Variants in SLC5A10 observed in about 807,000 individuals in gnomAD.
SLC5A10 encodes the protein sodium/mannose cotransporter SLC5A10.
A neutral mutation model predicts 68.9 loss-of-function variants in SLC5A10; 55 were observed. The observed-to-expected ratio is 0.80, with a 90% CI of 0.64 to 1.00. The LOEUF (loss-of-function observed/expected upper bound fraction) is 1.00, where lower values mean the gene tolerates loss of function less well. Among genes scored for constraint, SLC5A10 ranks in the 50% least tolerant of loss-of-function variants. SLC5A10 has a pLI of 0.00. For missense variants in SLC5A10, 732 were observed against 819.3 expected, an observed-to-expected ratio of 0.89 and a Z score of 1.30; for synonymous variants, 344 against 344.8, an observed-to-expected ratio of 1.00 and a Z score of 0.02.
chr17:18,959,277 G>A, intron 3 of SLC5A10, 38 bp downstream of exon 3: 3 of 1,596,750 alleles, frequency 1.9e-6, no homozygotes, highest in Non-Finnish European at 8.6e-7. Flanking sequence ...GGGAGGGCCA[G>A]GGCACAGGAT....
chr17:18,988,230 G>T, intron 9 of SLC5A10: 1 of 1,602,856 alleles, frequency 6.2e-7, no homozygotes, highest in African/African-American at 1.3e-5. Flanking sequence ...ACCCAGGCAA[G>T]TGAGGAGCCT....
rs778142861 is a variant in SLC5A10 at position 18,978,153 on chromosome 17, G to A, written c.982+1164G>A. 4 of 1,530,148 alleles carry A rather than the reference G, an allele frequency of 2.6e-6. No homozygotes were observed. The highest frequency in any genetic ancestry group is 2.8e-5 in the African/African-American group (2 of 72,650). The allele number at this position is 1,530,148 out of a possible 1,614,324, so 94.8% of individuals were successfully genotyped here. On this transcript the variant is annotated intron_variant, in intron 9 of 14. Coordinates refer to ENST00000395645, the MANE Select transcript of SLC5A10 (RefSeq NM_001042450.4). ...GCCACAGGGACTGTCCGGGGCTTGG[G>A]CACGGGGGGCAATGGCTCAGGGTCC... is the stretch of plus-strand genomic sequence containing the variant.
chr17:18,977,719 C>T lies in SLC5A10; in HGVS notation c.982+730C>T, dbSNP rs766625194. 7 of 1,608,720 alleles carry T rather than the reference C, an allele frequency of 4.4e-6. No homozygotes were observed. In the East Asian group the frequency reaches 1.1e-4, roughly 26 times the overall value. On this transcript the variant is annotated intron_variant, in intron 9 of 14. Coordinates refer to ENST00000395645, the MANE Select transcript of SLC5A10 (RefSeq NM_001042450.4). ...TCCCTCGGGTTATATGGGGGGCACT[C>T]AGCTGCCGGCGCGGTGGTGGGGTTG...
intron 9 of SLC5A10, among the ~76,000 whole-genome samples, chr17:19,012,728 G>C (rs1399266086): frequency 6.6e-6 from 1 of 152,180 alleles, no homozygotes; most frequent in Non-Finnish European, 1.5e-5. Context: ...AGGCTGAGTG[G>C]CTGGAGAGTC....
chr17:18,954,802 G>C (rs1003057221), intron 1 of SLC5A10, among the ~76,000 whole-genome samples: 9 of 152,246 alleles, frequency 5.9e-5, no homozygotes, highest in Admixed American at 5.9e-4. Flanking sequence ...GCCGGGCGCA[G>C]TGGCTCATGC....
rs974371306 is a variant in SLC5A10, at chr17:18,996,947, G to A, written c.983-16463G>A. ...ATGCCTTCCCTGGGTGGCCCATGGCGGGTCACTTCCCACTCTAAGCCTCAG... is the reference window on the plus strand; with the variant it reads ...ATGCCTTCCCTGGGTGGCCCATGGCAGGTCACTTCCCACTCTAAGCCTCAG... On this transcript the variant is annotated intron_variant, in intron 9 of 14. Transcript: ENST00000395645. The surrounding 1 kb of genome is among the most constrained non-coding windows in gnomAD (Gnocchi z 4.4). 3.9e-5 allele frequency among the ~76,000 whole-genome samples: 6 copies of A among 152,342 alleles called. No individual in the cohort carries two copies. Among genetic ancestry groups the A allele is most frequent in the South Asian group, 2.1e-4 (1 of 4,828 alleles).
intron 9 of SLC5A10, among the ~76,000 whole-genome samples, chr17:19,006,901 G>A (rs1366527534): frequency 6.6e-6 from 1 of 152,168 alleles, no homozygotes; most frequent in African/African-American, 2.4e-5. Context: ...TCCATGGTAT[G>A]GATATACCAC....
At chr17:19,002,470 G>A (rs942589363) in intron 9 of SLC5A10, among the ~76,000 whole-genome samples, 1 of 152,222 alleles carries the variant, frequency 6.6e-6, no homozygotes, top group Non-Finnish European at 1.5e-5. Flanking sequence ...GGTCCCCGAA[G>A]CCAGCATTCT....
intron 1 of SLC5A10, 33 bp downstream of exon 1, chr17:18,952,349 G>A (rs566708747): frequency 3.1e-6 from 5 of 1,592,098 alleles, no homozygotes; most frequent in South Asian, 1.1e-5. Flanking sequence ...TGGCCAAGTG[G>A]GCTCTCAGGG....
At position 18,983,274 on chromosome 17, in the gene SLC5A10, C is replaced by G. The variant is rs150920827; in HGVS notation, c.982+6285C>G. Among the ~76,000 whole-genome samples, 411 of 152,382 alleles carry G rather than the reference C, an allele frequency of 2.7e-3. 1 individual carries two copies. The highest frequency in any genetic ancestry group is 9.1e-3 in the African/African-American group (379 of 41,594). ...CTTTAATTTCACCCTCACACAACCC[C>G]GTGAGGCATCACTATGGCCATGGGG... On this transcript the variant is annotated intron_variant, in intron 9 of 14. Transcript: ENST00000395645.
In SLC5A10 at chr17:19,022,211, C is replaced by T. The variant is rs918529350; in HGVS notation, c.*1780C>T. 118 of 902,116 alleles carry T rather than the reference C, an allele frequency of 1.3e-4. No individual in the cohort carries two copies. The African/African-American group carries it at 1.5e-3, about 11-fold the overall frequency. 55.9% of individuals were successfully genotyped at this position (902,116 alleles called of 1,614,324 possible). Reference sequence around the variant, plus strand: ...CCTGCAACCCACCCTCCCTCAGAGGCACCCAAGAGAAGTGATTTGCCACAG... The same window carrying T: ...CCTGCAACCCACCCTCCCTCAGAGGTACCCAAGAGAAGTGATTTGCCACAG... On this transcript the variant is annotated 3_prime_UTR_variant, in exon 15 of 15. Transcript: ENST00000395645.
intron 9 of SLC5A10, among the ~76,000 whole-genome samples, chr17:18,995,198 G>A (rs28810084): frequency 0.11 from 17,207 of 152,080 alleles, 994 homozygotes; most frequent in South Asian, 0.15. Context: ...ACCAAAAACC[G>A]ACACAGATGT....
chr17:19,003,775 C>T lies in SLC5A10; in HGVS notation c.983-9635C>T. The T allele has an allele frequency of 1.2e-6, 2 of 1,610,490 alleles. No homozygotes were observed. Among genetic ancestry groups the T allele is most frequent in the Non-Finnish European group, 1.7e-6 (2 of 1,178,898 alleles). On this transcript the variant is annotated intron_variant, in intron 9 of 14. Transcript: ENST00000395645. This position sits in a 1 kb window ranked among gnomAD's most constrained non-coding sequence, Gnocchi z 4.5. ...CGTCGCCGACCCCATTGTCCTCGGG[C>T]CCCTGAGAGGGGCCCGTGCCCCGAG...
chr17:19,016,155 C>T (rs1346713429), intron 11 of SLC5A10, among the ~76,000 whole-genome samples: 2 of 151,906 alleles, frequency 1.3e-5, no homozygotes, highest in African/African-American at 2.4e-5. Flanking sequence ...AAGAGATTCT[C>T]GTGTCTCAGC....
chr17:18,981,982 G>T (rs144743548), intron 9 of SLC5A10, among the ~76,000 whole-genome samples: 1 of 152,184 alleles, frequency 6.6e-6, no homozygotes, highest in Non-Finnish European at 1.5e-5. Context: ...CTCCTGGCCC[G>T]GCCACAGACC....
chr17:18,978,340 G>A, intron 9 of SLC5A10: 1 of 1,603,868 alleles, frequency 6.2e-7, no homozygotes. Context: ...GGTTCATCTG[G>A]CTGGGCTGGG....
At chr17:18,960,125 A>G (rs1291495278) in intron 4 of SLC5A10, among the ~76,000 whole-genome samples, 1 of 152,140 alleles carries the variant, frequency 6.6e-6, no homozygotes, top group Non-Finnish European at 1.5e-5. Context: ...CCATGCAGCC[A>G]CTAAGTCCAG....
chr17:18,981,556 C>T (rs1026787769), intron 9 of SLC5A10, among the ~76,000 whole-genome samples: 1 of 152,108 alleles, frequency 6.6e-6, no homozygotes, highest in East Asian at 1.9e-4. Context: ...CAGAGCTGCC[C>T]GCCATGCCAT....
chr17:18,959,624 A>C lies in SLC5A10; in HGVS notation c.309A>C (p.Ala103=), dbSNP rs369661517. The C allele has an allele frequency of 6.2e-7, 1 of 1,613,972 alleles. No individual in the cohort carries two copies. ...FEWNATYVLL[A]LAWVFVPIYI... is the part of the protein sequence containing the mutation. Reference sequence around the variant, plus strand: ...CATAGGCCACGTACGTGCTGCTGGCACTGGCATGGGTGTTCGTGCCCATCT... The same window carrying C: ...CATAGGCCACGTACGTGCTGCTGGCCCTGGCATGGGTGTTCGTGCCCATCT... Residue 103 remains alanine, a synonymous_variant, in exon 4 of 15, where the codon GCA becomes GCC. Coordinates refer to ENST00000395645, the MANE Select transcript of SLC5A10 (RefSeq NM_001042450.4).
Sources: allele counts gnomAD v4.1 joint callset (sites outside exome capture counted in the v4.1 genomes callset), GRCh38; gene constraint gnomAD v4.1.1; non-coding constraint Gnocchi (gnomAD v3.1); transcripts MANE v1.5; gene names NCBI Gene and HGNC (gene_info 2026-07-23, HGNC 2026-07-21).